The following CD163 variants were observed in gnomAD, a reference collection of about 807,000 sequenced individuals.
The protein encoded by CD163 is scavenger receptor cysteine-rich type 1 protein M130.
Under a neutral mutation model 129.2 loss-of-function variants are expected in CD163, and 64 were observed. The observed-to-expected ratio is 0.50, with a 90% CI of 0.41 to 0.61. The LOEUF is 0.61. Ranked by LOEUF, CD163 falls within the 20% of genes least tolerant of loss-of-function variation. The pLI, the probability that CD163 is intolerant of heterozygous loss-of-function variation, is 0.00. For synonymous variants in CD163, 446 were observed against 478.5 expected (o/e 0.93, Z 0.89); for missense variants, 1,061 against 1,377.9 (o/e 0.77, Z 3.64).
chr12:7,485,343 A>G lies in CD163; in HGVS notation c.2532T>C (p.Asn844=), dbSNP rs1178312197. ...ACAGRLEVFY[N]GAWGTVGKSS... is the part of the protein sequence containing the mutation. ...TCTTGCCAACAGTGCCCCAAGCTCCATTGTAAAAAACTTCCAGACGCCCTG... is the reference window on the plus strand; with the variant it reads ...TCTTGCCAACAGTGCCCCAAGCTCCGTTGTAAAAAACTTCCAGACGCCCTG... The change falls in exon 11 of 17, where the codon AAT becomes AAC. Residue 844 remains asparagine (N), a synonymous_variant. Transcript: ENST00000432237. This position sits in a 1 kb window ranked among gnomAD's most constrained non-coding sequence, Gnocchi z 4.5. 2 of 1,614,096 alleles carry G rather than the reference A, an allele frequency of 1.2e-6. No individual in the cohort carries two copies. Among genetic ancestry groups the G allele is most frequent in the Non-Finnish European group, 1.7e-6 (2 of 1,180,030 alleles).
intron 16 of CD163, among the ~76,000 whole-genome samples, chr12:7,473,343 A>G (rs1386345442): frequency 1.3e-5 from 2 of 152,224 alleles, no homozygotes; most frequent in Non-Finnish European, 2.9e-5. Context: ...GGTTACCTAC[A>G]AAGGGCAGCC....
chr12:7,489,575 T>A (rs1404955592), intron 6 of CD163, among the ~76,000 whole-genome samples: 1 of 152,062 alleles, frequency 6.6e-6, no homozygotes, highest in African/African-American at 2.4e-5. Context: ...TTTTAGGCAT[T>A]TGATGATGGG....
At position 7,475,097 on chromosome 12, in the gene CD163, C is replaced by CAAAAA. The variant is rs58901449; in HGVS notation, c.*32-3705_*32-3701dup. 8.4e-4 allele frequency among the ~76,000 whole-genome samples: 79 copies of CAAAAA among 93,962 alleles called. 1 individual carries two copies. The highest frequency in any genetic ancestry group is 2.6e-3 in the African/African-American group (58 of 22,388). The allele number at this position is 93,962 out of a possible 152,430, so 61.6% of individuals were successfully genotyped here. A position where few individuals can be genotyped will look rare whatever the true frequency, so the allele number is the denominator to read the frequency against. ...AGGCAGTAAGTAATAGCCTACCAACCAAAAAAAAAAAAAAAAAAAAACCAT... is the reference window on the plus strand; with the variant it reads ...AGGCAGTAAGTAATAGCCTACCAACCAAAAAAAAAAAAAAAAAAAAAAAAAACCAT... On this transcript the variant is annotated intron_variant, in intron 16 of 16. Coordinates refer to ENST00000432237, the MANE Select transcript of CD163 (RefSeq NM_203416.4).
At chr12:7,482,920 A>C (rs1242753260) in intron 13 of CD163, 46 bp downstream of exon 13, 2 of 1,598,542 alleles carry the variant, frequency 1.3e-6, no homozygotes, top group Non-Finnish European at 1.7e-6. Flanking sequence ...GAAAAATTCT[A>C]TGTATGCAGA....
intron 1 of CD163, 104 bp from the exon 2 acceptor site, chr12:7,502,668 C>T (rs754864346): frequency 2.9e-6 from 2 of 699,566 alleles, no homozygotes; most frequent in East Asian, 5.4e-5. Context: ...CAAACCAAGA[C>T]AGAAAACTCT....
At position 7,501,270 on chromosome 12, in the gene CD163, C is replaced by G. The variant is rs1390327729; in HGVS notation, c.326G>C (p.Gly109Ala). ...KAPGWANSSAGSGRIWMDHVS... is the reference protein window; with the variant it reads ...KAPGWANSSAASGRIWMDHVS... Reference sequence around the variant, plus strand: ...ATGATCCATCCAAATGCGTCCAGAACCTGCACTGGAATTAGCCCATCCAGG... The same window carrying G: ...ATGATCCATCCAAATGCGTCCAGAAGCTGCACTGGAATTAGCCCATCCAGG... Residue 109 changes from glycine (G) to alanine (A), a missense_variant, in exon 3 of 17, where the codon GGT becomes GCT. By Grantham distance (60) the Gly-to-Ala change is moderately conservative. Transcript: ENST00000432237. The G allele has an allele frequency of 6.2e-7, 1 of 1,614,074 alleles. No individual in the cohort carries two copies. Among genetic ancestry groups the G allele is most frequent in the Non-Finnish European group, 8.5e-7 (1 of 1,180,036 alleles).
At chr12:7,473,986 T>G (rs7954416) in intron 16 of CD163, among the ~76,000 whole-genome samples, 150,269 of 152,236 alleles carry the variant, frequency 0.99, 74,198 homozygotes, top group Non-Finnish European at 1. Flanking sequence ...ACACAGAAGG[T>G]CATTACATAA....
In CD163 at chr12:7,486,899, C is replaced by T; in HGVS notation, c.2138G>A (p.Cys713Tyr). The change falls in exon 9 of 17, where the codon TGC becomes TAC. Residue 713 changes from cysteine to tyrosine, a missense_variant. Cys to Tyr is a radical substitution (Grantham distance 194). Coordinates refer to ENST00000432237, the MANE Select transcript of CD163 (RefSeq NM_203416.4). ...PTIPEESAVACIESGQLRLVN... is the reference protein window; with the variant it reads ...PTIPEESAVAYIESGQLRLVN... ...GATTTGTCACAGAGTCTTACCTATG[C>T]AGGCCACAGCACTTTCTTCTGGAAT... 6.2e-7 allele frequency: 1 copy of T among 1,613,404 alleles called. No homozygotes were observed. Among genetic ancestry groups the T allele is most frequent in the Non-Finnish European group, 8.5e-7 (1 of 1,179,456 alleles).
At chr12:7,471,746 C>T (rs1266846337) in intron 16 of CD163, 2 of 152,120 alleles carry the variant, frequency 1.3e-5, no homozygotes, top group African/African-American at 4.8e-5. Context: ...GGAGACAGAA[C>T]CTTTCACTCC....
chr12:7,482,345 T>G (rs933053071), intron 14 of CD163, among the ~76,000 whole-genome samples: 1 of 152,146 alleles, frequency 6.6e-6, no homozygotes, highest in East Asian at 1.9e-4. Context: ...TTTTCTCCTC[T>G]GAAATCTTAT....
At chr12:7,500,507 G>A (rs866852452) in intron 3 of CD163, among the ~76,000 whole-genome samples, 9 of 151,352 alleles carry the variant, frequency 5.9e-5, no homozygotes, top group Admixed American at 3.3e-4. Flanking sequence ...ATGTGCCCTT[G>A]GGATTTGTCA....
At position 7,486,891 on chromosome 12, in the gene CD163, T is replaced by C. The variant is rs769532564; in HGVS notation, c.2143+3A>G. On this transcript the variant is annotated splice_donor_region_variant and intron_variant, in intron 9 of 16. Coordinates refer to ENST00000432237, the MANE Select transcript of CD163 (RefSeq NM_203416.4). Reference sequence around the variant, plus strand: ...TTTTCATAGATTTGTCACAGAGTCTTACCTATGCAGGCCACAGCACTTTCT... The same window carrying C: ...TTTTCATAGATTTGTCACAGAGTCTCACCTATGCAGGCCACAGCACTTTCT... The C allele has an allele frequency of 3.1e-6, 5 of 1,613,108 alleles. No homozygotes were observed. The highest frequency in any genetic ancestry group is 4.2e-6 in the Non-Finnish European group (5 of 1,179,338).
chr12:7,479,526 G>A (rs1949132713), intron 16 of CD163, among the ~76,000 whole-genome samples: 1 of 152,052 alleles, frequency 6.6e-6, no homozygotes, highest in Admixed American at 6.6e-5. Context: ...ACCATAGCAT[G>A]TATTATACGA....
At position 7,496,521 on chromosome 12, in the gene CD163, CAGATTCCT is replaced by C. The variant is rs1286063897; in HGVS notation, c.1099+284_1099+291del. On this transcript the variant is annotated intron_variant, in intron 5 of 16. Coordinates refer to ENST00000432237, the MANE Select transcript of CD163 (RefSeq NM_203416.4). The surrounding 1 kb of genome is among the most constrained non-coding windows in gnomAD (Gnocchi z 4.8). ...TAAGTAAATTAAAAAAATTTAAAAACAGATTCCTAGGAAATTTTGTCTCTCTGAGCTCC... is the reference window on the plus strand; with the variant it reads ...TAAGTAAATTAAAAAAATTTAAAAACAGGAAATTTTGTCTCTCTGAGCTCC... 6.6e-6 allele frequency among the ~76,000 whole-genome samples: 1 copy of C among 152,126 alleles called. No individual in the cohort carries two copies. The highest frequency in any genetic ancestry group is 1.5e-5 in the Non-Finnish European group (1 of 68,016).
rs150993309 is a variant in CD163, at chr12:7,485,897, TAC to T, written c.2459-483_2459-482del. On this transcript the variant is annotated intron_variant, in intron 10 of 16. Transcript: ENST00000432237. The surrounding 1 kb of genome is among the most constrained non-coding windows in gnomAD (Gnocchi z 4.5). ...AAATAGGAATAAATCACTTCTGAGA[TAC>T]AGAGTTTTTCACTTCCTTAAGTTAC... Among the ~76,000 whole-genome samples the T allele has an allele frequency of 3.2e-3, 481 of 152,316 alleles. 3 individuals are homozygous for T. Among genetic ancestry groups the T allele is most frequent in the African/African-American group, 0.011 (467 of 41,564 alleles).
At chr12:7,489,134 A>G (rs918890000) in intron 6 of CD163, among the ~76,000 whole-genome samples, 2 of 152,196 alleles carry the variant, frequency 1.3e-5, no homozygotes, top group Non-Finnish European at 2.9e-5. Context: ...GTAAGAGAAC[A>G]GAATTTGAAG....
Position 7,483,457 on chromosome 12 carries a change from C to G in CD163, c.2998G>C (p.Gly1000Arg). 1 of 1,614,116 alleles carries G rather than the reference C, an allele frequency of 6.2e-7. No individual in the cohort carries two copies. Among genetic ancestry groups the G allele is most frequent in the Non-Finnish European group, 8.5e-7 (1 of 1,179,998 alleles). Residue 1000 changes from glycine (G) to arginine (R), a missense_variant, in exon 12 of 17, where the codon GGG becomes CGG. Transcript: ENST00000432237. ...PIWLNEVKCKGNESSLWDCPA... is the reference protein window; with the variant it reads ...PIWLNEVKCKRNESSLWDCPA... ...CAATCCCACAAGGAAGACTCATTCCCTTTGCACTTCACTTCATTGAGCCAT... is the reference window on the plus strand; with the variant it reads ...CAATCCCACAAGGAAGACTCATTCCGTTTGCACTTCACTTCATTGAGCCAT...
chr12:7,478,128 A>C lies in CD163; in HGVS notation c.*31+1732T>G, dbSNP rs772430994. Among the ~76,000 whole-genome samples the C allele has an allele frequency of 5.9e-4, 90 of 152,232 alleles. No homozygotes were observed. In the South Asian group the frequency reaches 7.0e-3, roughly 12 times the overall value. Reference sequence around the variant, plus strand: ...ATTCACTTTGTTTCTAGTTTTTGCCACTTTCAACAACATGGCAGAAAGGAA... The same window carrying C: ...ATTCACTTTGTTTCTAGTTTTTGCCCCTTTCAACAACATGGCAGAAAGGAA... On this transcript the variant is annotated intron_variant, in intron 16 of 16. Coordinates refer to ENST00000432237, the MANE Select transcript of CD163 (RefSeq NM_203416.4).
chr12:7,483,726 A>G, intron 11 of CD163, 51 bp from the exon 12 acceptor site: 2 of 1,261,086 alleles, frequency 1.6e-6, no homozygotes, highest in African/African-American at 1.5e-5. Flanking sequence ...AAAAGTTTCC[A>G]GGAGTTCACA....
Sources: gnomAD v4.1 joint callset for allele counts (sites outside exome capture counted in the v4.1 genomes callset) on GRCh38, gnomAD v4.1.1 for gene constraint, Gnocchi (gnomAD v3.1) non-coding constraint, MANE v1.5 for transcripts, NCBI Gene and HGNC (gene_info 2026-07-23, HGNC 2026-07-21) for gene names.